The following HELZ variants were observed in gnomAD, a reference collection of about 807,000 sequenced individuals.
HELZ encodes helicase with zinc finger.
HELZ carries 23 observed loss-of-function variants against 218.2 expected under a neutral mutation model. That is an observed-to-expected ratio of 0.11 (90% CI 0.08 to 0.15). HELZ has a LOEUF of 0.15. Ranked by LOEUF, HELZ falls within the 10% of genes least tolerant of loss-of-function variation. The pLI is 1.00. For missense variants in HELZ, 1,813 were observed against 2,353.7 expected (o/e 0.77, Z 4.75); for synonymous variants, 814 against 829.4 (o/e 0.98, Z 0.32).
At chr17:67,113,384 C>T (rs759268756) in intron 28 of HELZ, among the ~76,000 whole-genome samples, 1 of 151,996 alleles carries the variant, frequency 6.6e-6, no homozygotes, top group African/African-American at 2.4e-5. Flanking sequence ...CTCAGCCTCC[C>T]GAGTAGCTGG....
chr17:67,150,007 C>T (rs1307350372), intron 18 of HELZ, 22 bp from the exon 19 acceptor site: 3 of 1,418,946 alleles, frequency 2.1e-6, no homozygotes, highest in Non-Finnish European at 3.0e-6. Flanking sequence ...AGCATAAACA[C>T]AGGATAGCAC....
chr17:67,160,429 C>CA (rs377221820), intron 16 of HELZ, 67 bp from the exon 17 acceptor site: 9,047 of 861,590 alleles, frequency 0.011, 8 homozygotes, highest in Admixed American at 0.04. Flanking sequence ...AGTATAATAC[C>CA]AAAAAAAAAA....
chr17:67,224,455 A>C lies in HELZ; in HGVS notation c.-18-5633T>G, dbSNP rs1382623875. On this transcript the variant is annotated intron_variant, in intron 3 of 32. Coordinates refer to ENST00000358691, the MANE Select transcript of HELZ (RefSeq NM_014877.4). The stretch of plus-strand genomic sequence containing the variant: ...AAGCCAAGAAACTTTTTTCCAGCTT[A>C]AGTCAGTTTAGGTTGATATTTCAGG... The C allele has an allele frequency of 1.3e-5, 3 of 237,366 alleles. No individual in the cohort carries two copies. In the Admixed American group the frequency reaches 1.5e-4, roughly 12 times the overall value. 14.7% of individuals were successfully genotyped at this position (237,366 alleles called of 1,614,324 possible).
chr17:67,073,758 A>G lies in HELZ; in HGVS notation c.*4494T>C, dbSNP rs2035949648. On this transcript the variant is annotated 3_prime_UTR_variant, in exon 33 of 33. Transcript: ENST00000358691. ...GAATCTCATATTCTAGTTTAAAGTA[A>G]TAACAGGATGTGTTTAGTAAGATTC... 1 of 152,216 alleles carries G rather than the reference A, an allele frequency of 6.6e-6. No individual in the cohort carries two copies. The highest frequency in any genetic ancestry group is 1.5e-5 in the Non-Finnish European group (1 of 68,034). 9.4% of individuals were successfully genotyped at this position (152,216 alleles called of 1,614,324 possible).
chr17:67,244,040 A>C (rs1259802831), intron 1 of HELZ: 1 of 945,288 alleles, frequency 1.1e-6, no homozygotes, highest in Non-Finnish European at 1.3e-6. Context: ...AGAATAGATT[A>C]TACAATGCTC....
At chr17:67,078,987 T>C (rs531668613) in intron 32 of HELZ, among the ~76,000 whole-genome samples, 1 of 152,366 alleles carries the variant, frequency 6.6e-6, no homozygotes, top group Non-Finnish European at 1.5e-5. Flanking sequence ...ACAGCTTTTA[T>C]TACTGAGCTA....
Position 67,078,340 on chromosome 17 carries a change from TTGGCC to T in HELZ, c.5736_5740del (p.Ala1913GlufsTer3). 6.2e-7 allele frequency: 1 copy of T among 1,614,074 alleles called. No individual in the cohort carries two copies. Among genetic ancestry groups the T allele is most frequent in the Non-Finnish European group, 8.5e-7 (1 of 1,179,968 alleles). On this transcript the variant is annotated frameshift_variant, in exon 33 of 33. Coordinates refer to ENST00000358691, the MANE Select transcript of HELZ (RefSeq NM_014877.4). LOFTEE classifies it high-confidence loss of function. ...GAGAGACAGAGGGTCGCTACTCTTC[TTGGCC>T]TGCTCAGGAGGGGGCCTGGGCTTTG...
chr17:67,189,741 C>A (rs1321185519), intron 10 of HELZ, 45 bp from the exon 11 acceptor site: 5 of 1,228,708 alleles, frequency 4.1e-6, no homozygotes, highest in African/African-American at 1.5e-5. Flanking sequence ...TTGCTAAGGG[C>A]ACAAACAAAA....
chr17:67,211,050 T>C (rs977161181), intron 5 of HELZ, among the ~76,000 whole-genome samples: 24 of 152,214 alleles, frequency 1.6e-4, no homozygotes, highest in African/African-American at 5.8e-4. Context: ...ACCTCACTTA[T>C]CCATTGGTCG....
intron 32 of HELZ, among the ~76,000 whole-genome samples, chr17:67,085,488 A>G (rs111509496): frequency 0.024 from 3,620 of 152,300 alleles, 136 homozygotes; most frequent in African/African-American, 0.079. Flanking sequence ...AAAAGGTACC[A>G]AAGAATGTTT....
chr17:67,197,355 T>C (rs970645236), intron 7 of HELZ, among the ~76,000 whole-genome samples: 45 of 152,196 alleles, frequency 3.0e-4, no homozygotes, highest in African/African-American at 9.9e-4. Flanking sequence ...CTTTTGTAAA[T>C]TGCCCAGTCT....
At chr17:67,220,733 C>G (rs2040720858) in intron 3 of HELZ, among the ~76,000 whole-genome samples, 1 of 152,074 alleles carries the variant, frequency 6.6e-6, no homozygotes, top group African/African-American at 2.4e-5. Flanking sequence ...CTCAAGCTGT[C>G]CTCCCGCTTC....
chr17:67,113,677 A>C (rs1313170730), intron 28 of HELZ, among the ~76,000 whole-genome samples: 3 of 152,194 alleles, frequency 2.0e-5, no homozygotes, highest in Admixed American at 6.5e-5. Flanking sequence ...AATCCTGATG[A>C]GGTCAGTCTG....
chr17:67,149,900 G>A lies in HELZ; in HGVS notation c.2442C>T (p.Asn814=), dbSNP rs567688744. 1.9e-5 allele frequency: 31 copies of A among 1,610,496 alleles called. No individual in the cohort carries two copies. In the East Asian group the frequency reaches 6.3e-4, roughly 33 times the overall value. ...GATCACCAGCCAAGACAATCCGAGT[G>A]TTTTGAGTTGCTAATGCTAGAGGCA... The part of the protein sequence containing the change: ...TIMPLALATQ[N]TRIVLAGDHM... Residue 814 remains asparagine, a synonymous_variant, in exon 19 of 33, where the codon AAC becomes AAT. Transcript: ENST00000358691.
chr17:67,227,256 G>T (rs1160632790), intron 3 of HELZ, among the ~76,000 whole-genome samples: 1 of 150,524 alleles, frequency 6.6e-6, no homozygotes, highest in Non-Finnish European at 1.5e-5. Flanking sequence ...GCAGTGGCGT[G>T]ACCTCAGCTC....
intron 23 of HELZ, among the ~76,000 whole-genome samples, chr17:67,129,106 C>A (rs1465287507): frequency 6.6e-6 from 1 of 152,008 alleles, no homozygotes; most frequent in Non-Finnish European, 1.5e-5. Context: ...CTCAACAATG[C>A]AAGTAATATG....
At chr17:67,153,804 T>C (rs575243703) in intron 17 of HELZ, among the ~76,000 whole-genome samples, 1 of 152,298 alleles carries the variant, frequency 6.6e-6, no homozygotes, top group East Asian at 1.9e-4. Context: ...ATCAAAATAA[T>C]TATTTAAAAG....
intron 3 of HELZ, among the ~76,000 whole-genome samples, chr17:67,228,416 A>G (rs2040948616): frequency 6.6e-6 from 1 of 152,154 alleles, no homozygotes; most frequent in African/African-American, 2.4e-5. Flanking sequence ...AAGTAAATAC[A>G]CTTTGGGAGG....
chr17:67,110,564 C>T (rs1403651431), intron 28 of HELZ, among the ~76,000 whole-genome samples: 1 of 152,172 alleles, frequency 6.6e-6, no homozygotes, highest in Non-Finnish European at 1.5e-5. Context: ...CCAAACAATA[C>T]ACTGTGCCTG....
Sources: gnomAD v4.1 joint callset for allele counts (sites outside exome capture counted in the v4.1 genomes callset) on GRCh38, gnomAD v4.1.1 for gene constraint, MANE v1.5 for transcripts, NCBI Gene and HGNC (gene_info 2026-07-23, HGNC 2026-07-21) for gene names.